VPS37C: variants seen among roughly 807,000 people sequenced by gnomAD.
VPS37C encodes the protein VPS37C subunit of ESCRT-I.
Under a neutral mutation model 16.1 loss-of-function variants are expected in VPS37C, and 9 were observed. The observed-to-expected ratio is 0.56, with a 90% CI of 0.34 to 0.97. The LOEUF is 0.97. Among genes scored for constraint, VPS37C ranks in the 50% least tolerant of loss-of-function variants. The pLI is 0.02. For synonymous variants in VPS37C, 207 were observed against 206.4 expected (o/e 1.00, Z -0.02); for missense variants, 479 against 472.7 (o/e 1.01, Z -0.12).
Position 61,132,743 on chromosome 11 carries a change from C to T in VPS37C, c.349-204G>A, listed in dbSNP as rs1565190846. The T allele has an allele frequency of 8.2e-6, 6 of 730,278 alleles. 1 individual carries two copies. The highest frequency in any genetic ancestry group is 5.6e-5 in the East Asian group (2 of 35,872). 45.2% of individuals were successfully genotyped at this position (730,278 alleles called of 1,614,324 possible). A position where few individuals can be genotyped will look rare whatever the true frequency, so the allele number is the denominator to read the frequency against. ...CACTAGAATGTCAGTCCCTTGAAGG[C>T]GAGGACTGTCTCTGTCGTGGTCACC... On this transcript the variant is annotated intron_variant, in intron 4 of 4. Transcript: ENST00000301765.
intron 1 of VPS37C, among the ~76,000 whole-genome samples, chr11:61,152,586 T>C (rs918762884): frequency 8.5e-5 from 13 of 152,162 alleles, no homozygotes; most frequent in East Asian, 1.9e-4. Flanking sequence ...TTTGGTATTA[T>C]GTTCCAAATC....
Position 61,138,746 on chromosome 11 carries a change from C to CT in VPS37C, c.83dup (p.Ser29ValfsTer3). ...ACCAGCCTCCCTCTACCTCAGGGGA[C>CT]TCCAGGGCCAGCTGGTCAATCGCCT... is the stretch of plus-strand genomic sequence containing the variant. On this transcript the variant is annotated frameshift_variant, in exon 2 of 5. Transcript: ENST00000301765. LOFTEE classifies it high-confidence loss of function. 6.2e-7 allele frequency: 1 copy of CT among 1,614,168 alleles called. No homozygotes were observed. Among genetic ancestry groups the CT allele is most frequent in the Non-Finnish European group, 8.5e-7 (1 of 1,180,034 alleles).
rs184036547 is a variant in VPS37C at position 61,138,509 on chromosome 11, G to A, written c.93+228C>T. 21 of 532,750 alleles carry A rather than the reference G, an allele frequency of 3.9e-5. No homozygotes were observed. In the Middle Eastern group the frequency reaches 1.5e-3, roughly 39 times the overall value. 33.0% of individuals were successfully genotyped at this position (532,750 alleles called of 1,614,324 possible). A position where few individuals can be genotyped will look rare whatever the true frequency, so the allele number is the denominator to read the frequency against. On this transcript the variant is annotated intron_variant, in intron 2 of 4. Transcript: ENST00000301765. ...CAGTGTGGGGACTCCTGGGGTATCT[G>A]GGTCCTGGGAAGGCACCAGGAGGCA...
intron 2 of VPS37C, among the ~76,000 whole-genome samples, chr11:61,135,249 A>AG (rs913703485): frequency 6.6e-6 from 1 of 152,176 alleles, no homozygotes; most frequent in Non-Finnish European, 1.5e-5. Flanking sequence ...CCTCGGGGAA[A>AG]GGCTACCCCT....
chr11:61,133,842 G>A (rs1352726763), intron 3 of VPS37C, among the ~76,000 whole-genome samples, 194 bp downstream of exon 3: 1 of 152,198 alleles, frequency 6.6e-6, no homozygotes, highest in Non-Finnish European at 1.5e-5. Context: ...TCTAAGCTGG[G>A]TGACCTTAGT....
intron 1 of VPS37C, among the ~76,000 whole-genome samples, chr11:61,142,242 T>C (rs1316688432): frequency 6.6e-6 from 1 of 152,060 alleles, no homozygotes; most frequent in East Asian, 1.9e-4. Flanking sequence ...GGAAGAAAAA[T>C]TTTTTTTCAA....
At chr11:61,138,551 T>TC in intron 2 of VPS37C, 186 bp downstream of exon 2, 2 of 591,736 alleles carry the variant, frequency 3.4e-6, no homozygotes, top group South Asian at 2.0e-5. Flanking sequence ...TCCCCAGCAC[T>TC]CCCAAGAACT....
chr11:61,131,880 G>C lies in VPS37C; in HGVS notation c.1008C>G (p.Pro336=), dbSNP rs767456966. ...PSVPLQPPYP[P]GPAPPYGFPP... Reference sequence around the variant, plus strand: ...GGAACCCATAGGGAGGGGCGGGCCCGGGGGGATAAGGGGGCTGCAGGGGCA... The same window carrying C: ...GGAACCCATAGGGAGGGGCGGGCCCCGGGGGATAAGGGGGCTGCAGGGGCA... The change falls in exon 5 of 5, where the codon CCC becomes CCG. Residue 336 remains proline (P), a synonymous_variant. Coordinates refer to ENST00000301765, the MANE Select transcript of VPS37C (RefSeq NM_017966.5). 1.4e-5 allele frequency: 18 copies of C among 1,271,948 alleles called. No individual in the cohort carries two copies. The Admixed American group carries it at 5.6e-4, about 40-fold the overall frequency. The allele number at this position is 1,271,948 out of a possible 1,614,324, so 78.8% of individuals were successfully genotyped here. A position where few individuals can be genotyped will look rare whatever the true frequency, so the allele number is the denominator to read the frequency against.
Position 61,131,990 on chromosome 11 carries a change from A to G in VPS37C, c.898T>C (p.Ser300Pro). The G allele has an allele frequency of 7.4e-7, 1 of 1,347,568 alleles. No individual in the cohort carries two copies. Among genetic ancestry groups the G allele is most frequent in the South Asian group, 2.1e-5 (1 of 47,988 alleles). 83.5% of individuals were successfully genotyped at this position (1,347,568 alleles called of 1,614,324 possible). ...TTTCCTCCTGTTGCGGGGTATGGGGACTGTTGAGGATAACCAGGACTGGGG... is the reference window on the plus strand; with the variant it reads ...TTTCCTCCTGTTGCGGGGTATGGGGGCTGTTGAGGATAACCAGGACTGGGG... The part of the protein sequence containing the change: ...RAPSPGYPQQ[S>P]PYPATGGKPP... Residue 300 changes from serine to proline, a missense_variant, in exon 5 of 5, where the codon TCC becomes CCC. Transcript: ENST00000301765.
chr11:61,160,846 G>C (rs982738148), intron 1 of VPS37C, among the ~76,000 whole-genome samples: 5 of 152,186 alleles, frequency 3.3e-5, no homozygotes, highest in African/African-American at 1.2e-4. Flanking sequence ...ATGCTGGGAG[G>C]TCCAAGTCTG....
In VPS37C at chr11:61,134,021, G is replaced by C. The variant is rs2134627840; in HGVS notation, c.265+15C>G. On this transcript the variant is annotated intron_variant, in intron 3 of 4. Coordinates refer to ENST00000301765, the MANE Select transcript of VPS37C (RefSeq NM_017966.5). ...CCTGAATGGGGACCCTGAGTTCACAGAGGAGCCACCCTACCCAGCTTTGCC... is the reference window on the plus strand; with the variant it reads ...CCTGAATGGGGACCCTGAGTTCACACAGGAGCCACCCTACCCAGCTTTGCC... 1 of 1,598,260 alleles carries C rather than the reference G, an allele frequency of 6.3e-7. No homozygotes were observed. Among genetic ancestry groups the C allele is most frequent in the East Asian group, 2.3e-5 (1 of 44,416 alleles).
chr11:61,152,884 A>G (rs1853320200), intron 1 of VPS37C, among the ~76,000 whole-genome samples: 1 of 152,218 alleles, frequency 6.6e-6, no homozygotes, highest in South Asian at 2.1e-4. Flanking sequence ...TGCCTGCTCC[A>G]TCCCTCAAAA....
chr11:61,134,337 C>G, intron 2 of VPS37C, 130 bp from the exon 3 acceptor site: 1 of 971,078 alleles, frequency 1.0e-6, no homozygotes. Flanking sequence ...GGGCAATACT[C>G]AGCCCTCAAC....
chr11:61,136,121 A>G (rs7110395), intron 2 of VPS37C, among the ~76,000 whole-genome samples: 33 of 151,988 alleles, frequency 2.2e-4, no homozygotes, highest in African/African-American at 7.2e-4. Context: ...ACAAATACTC[A>G]AGGTGATGGA....
chr11:61,136,247 C>A (rs1046407895), intron 2 of VPS37C, among the ~76,000 whole-genome samples: 7 of 150,896 alleles, frequency 4.6e-5, no homozygotes, highest in Admixed American at 4.6e-4. Context: ...CTCACTTCAA[C>A]CTCTGCCTCC....
chr11:61,150,380 G>A (rs1394106771), intron 1 of VPS37C, among the ~76,000 whole-genome samples: 3 of 152,030 alleles, frequency 2.0e-5, no homozygotes, highest in Non-Finnish European at 4.4e-5. Context: ...CTATCATGCT[G>A]CTTCCCTAAG....
intron 1 of VPS37C, among the ~76,000 whole-genome samples, chr11:61,155,123 G>T (rs1853358885): frequency 7.2e-6 from 1 of 139,438 alleles, no homozygotes; most frequent in Non-Finnish European, 1.5e-5. Context: ...AAAAAAGGCG[G>T]GGGGACAGGG....
Position 61,156,086 on chromosome 11 carries a change from A to G in VPS37C, c.-7+5305T>C, listed in dbSNP as rs920590133. Among the ~76,000 whole-genome samples the G allele has an allele frequency of 2.0e-5, 3 of 152,306 alleles. No individual in the cohort carries two copies. In the South Asian group the frequency reaches 6.2e-4, roughly 32 times the overall value. On this transcript the variant is annotated intron_variant, in intron 1 of 4. Coordinates refer to ENST00000301765, the MANE Select transcript of VPS37C (RefSeq NM_017966.5). ...CAACCACTAAAAAGTGTTCGAATTA[A>G]TGAACCAACAAAGGAAACAAAGTGG...
intron 1 of VPS37C, among the ~76,000 whole-genome samples, chr11:61,148,274 A>T (rs910765640): frequency 7.9e-5 from 12 of 152,114 alleles, no homozygotes; most frequent in Non-Finnish European, 1.8e-4. Flanking sequence ...CTAGCCCGAA[A>T]TCACACTGCA....
Sources: allele counts gnomAD v4.1 joint callset (sites outside exome capture counted in the v4.1 genomes callset), GRCh38; gene constraint gnomAD v4.1.1; transcripts MANE v1.5; gene names NCBI Gene and HGNC (gene_info 2026-07-23, HGNC 2026-07-21).